Variants in TTC34 observed in about 807,000 individuals in gnomAD.
TTC34 encodes tetratricopeptide repeat protein 34.
A neutral mutation model predicts 40.7 loss-of-function variants in TTC34; 44 were observed. The ratio of observed to expected loss-of-function variants is 1.08; its 90% CI spans 0.85 to 1.39. The LOEUF is 1.39. Among genes scored for constraint, TTC34 ranks in the 40% most tolerant of loss-of-function variants. The pLI is 0.00. For synonymous variants in TTC34, 422 were observed against 398.6 expected (o/e 1.06, Z -0.70); for missense variants, 884 against 838.0 (o/e 1.05, Z -0.68).
chr1:2,645,358 A>G lies in TTC34; in HGVS notation c.2432T>C (p.Leu811Pro), dbSNP rs1638998806. The G allele has an allele frequency of 6.5e-7, 1 of 1,529,638 alleles. No individual in the cohort carries two copies. Among genetic ancestry groups the G allele is most frequent in the Non-Finnish European group, 8.7e-7 (1 of 1,143,228 alleles). The allele number at this position is 1,529,638 out of a possible 1,614,324, so 94.8% of individuals were successfully genotyped here. Reference sequence around the variant, plus strand: ...CGGTTGCCCTGAGTCGATTTTGATCAGCGCCTCCCCCACAGCAAGGAGGCC... The same window carrying G: ...CGGTTGCCCTGAGTCGATTTTGATCGGCGCCTCCCCCACAGCAAGGAGGCC... Residue 811 changes from leucine to proline, a missense_variant, in exon 7 of 9, where the codon CTG becomes CCG. Leu to Pro is a moderately conservative substitution (Grantham distance 98). Transcript: ENST00000401095. This position sits in a 1 kb window ranked among gnomAD's most constrained non-coding sequence, Gnocchi z 4.7.
At chr1:2,698,477 G>A (rs544907841) in intron 6 of TTC34, among the ~76,000 whole-genome samples, 1,272 of 37,552 alleles carry the variant, frequency 0.034, 13 homozygotes, top group Non-Finnish European at 0.061. Flanking sequence ...GCCTGGATCA[G>A]CACCCACACT....
At chr1:2,789,686 A>G (rs1452426691) in exon 3 of TTC34, 10 of 1,243,294 alleles carry the variant, frequency 8.0e-6, no homozygotes, top group Non-Finnish European at 1.0e-6. Flanking sequence ...CTCGGGCCGC[A>G]GCCTGCAGGC....
intron 6 of TTC34, among the ~76,000 whole-genome samples, chr1:2,647,032 G>C (rs548941616): frequency 1.3e-5 from 2 of 152,220 alleles, no homozygotes; most frequent in African/African-American, 4.8e-5. Flanking sequence ...GCTGTCATTC[G>C]TGTTGTTGTA....
At position 2,645,659 on chromosome 1, in the gene TTC34, C is replaced by T; in HGVS notation, c.2227-96G>A. 7.8e-7 allele frequency: 1 copy of T among 1,282,574 alleles called. No individual in the cohort carries two copies. The highest frequency in any genetic ancestry group is 1.0e-6 in the Non-Finnish European group (1 of 979,284). 79.4% of individuals were successfully genotyped at this position (1,282,574 alleles called of 1,614,324 possible). A position where few individuals can be genotyped will look rare whatever the true frequency, so the allele number is the denominator to read the frequency against. Reference sequence around the variant, plus strand: ...GAGGACTGGCTCTGTCTTTCTCATTCCCTGATCTTCTCCCTGGGGTCCTAG... The same window carrying T: ...GAGGACTGGCTCTGTCTTTCTCATTTCCTGATCTTCTCCCTGGGGTCCTAG... On this transcript the variant is annotated intron_variant, in intron 6 of 8. Coordinates refer to ENST00000401095, the Ensembl canonical transcript of TTC34. The surrounding 1 kb of genome is among the most constrained non-coding windows in gnomAD (Gnocchi z 4.7).
intron 6 of TTC34, among the ~76,000 whole-genome samples, chr1:2,695,751 C>CT (rs1640833135): frequency 1.3e-5 from 2 of 150,182 alleles, no homozygotes; most frequent in Admixed American, 6.6e-5. Flanking sequence ...GAACAGCACC[C>CT]ACACCCCCAG....
At chr1:2,685,793 C>T (rs1478688004) in intron 6 of TTC34, among the ~76,000 whole-genome samples, 2 of 151,358 alleles carry the variant, frequency 1.3e-5, no homozygotes, top group African/African-American at 4.9e-5. Context: ...GGAACAGAAC[C>T]CACACCCCCA....
intron 6 of TTC34, among the ~76,000 whole-genome samples, chr1:2,773,090 A>G (rs1406537098): frequency 5.5e-5 from 7 of 128,134 alleles, no homozygotes; most frequent in African/African-American, 8.7e-5. Context: ...CTGGAGCAGC[A>G]CCCACACCCC....
intron 6 of TTC34, among the ~76,000 whole-genome samples, chr1:2,683,679 G>A (rs1329086713): frequency 6.7e-6 from 1 of 149,632 alleles, no homozygotes; most frequent in Non-Finnish European, 1.5e-5. Context: ...TGCACCCCCA[G>A]GTGACGATCT....
chr1:2,750,824 A>G (rs1184680368), intron 6 of TTC34, among the ~76,000 whole-genome samples: 184 of 131,326 alleles, frequency 1.4e-3, no homozygotes, highest in Admixed American at 2.6e-3. Context: ...CGAGCATCTG[A>G]CAGCCTGGAG....
intron 6 of TTC34, among the ~76,000 whole-genome samples, chr1:2,759,224 A>T (rs1641608639): frequency 8.5e-6 from 1 of 118,046 alleles, no homozygotes; most frequent in Non-Finnish European, 1.7e-5. Context: ...ACAGCCTGAA[A>T]CAGCACCCTG....
chr1:2,792,149 C>T (rs1225271618), intron 2 of TTC34, among the ~76,000 whole-genome samples: 1 of 151,200 alleles, frequency 6.6e-6, no homozygotes, highest in Non-Finnish European at 1.5e-5. Context: ...CAGGCATGCA[C>T]CACCATACCC....
intron 6 of TTC34, chr1:2,775,287 C>G (rs1238650582): frequency 4.6e-5 from 7 of 151,384 alleles, no homozygotes; most frequent in Non-Finnish European, 8.8e-5. Flanking sequence ...GAGCATCCGA[C>G]AGCCTGGAAC....
intron 6 of TTC34, among the ~76,000 whole-genome samples, chr1:2,685,913 C>T (rs1193413287): frequency 5.3e-5 from 8 of 151,750 alleles, no homozygotes; most frequent in African/African-American, 9.7e-5. Context: ...TGGAACAGCA[C>T]GCACACCCCC....
exon 3 of TTC34, chr1:2,789,932 G>A (rs1569969864): frequency 2.5e-6 from 1 of 394,272 alleles, no homozygotes; most frequent in Non-Finnish European, 4.5e-6. Flanking sequence ...AGGGCGTGCG[G>A]GCCGCAGCAG....
exon 9 of TTC34, chr1:2,641,454 G>A: frequency 6.5e-7 from 1 of 1,535,534 alleles, no homozygotes; most frequent in Non-Finnish European, 8.7e-7. Flanking sequence ...TCCACCAGGA[G>A]GCCGCTCTCT....
intron 6 of TTC34, among the ~76,000 whole-genome samples, chr1:2,655,469 T>C (rs1436308244): frequency 1.4e-4 from 12 of 84,602 alleles, no homozygotes; most frequent in East Asian, 9.8e-4. Flanking sequence ...GGTGAGCATC[T>C]GATATCCTGG....
At chr1:2,698,610 C>G (rs1640978187) in intron 6 of TTC34, among the ~76,000 whole-genome samples, 1 of 70,286 alleles carries the variant, frequency 1.4e-5, no homozygotes, top group African/African-American at 6.2e-5. Context: ...ACCCACACTC[C>G]CAGACGAGCA....
intron 2 of TTC34, among the ~76,000 whole-genome samples, chr1:2,794,146 C>T (rs1429505179): frequency 6.6e-6 from 1 of 151,976 alleles, no homozygotes; most frequent in Non-Finnish European, 1.5e-5. Context: ...CAGGTATGCA[C>T]CACGTGCCTG....
chr1:2,777,893 C>T (rs754781770), intron 6 of TTC34, among the ~76,000 whole-genome samples: 8 of 152,214 alleles, frequency 5.3e-5, no homozygotes, highest in Non-Finnish European at 1.2e-4. Flanking sequence ...GAGGTTCCGG[C>T]ACCTGTAGGC....
Sources: allele counts gnomAD v4.1 joint callset (sites outside exome capture counted in the v4.1 genomes callset), GRCh38; gene constraint gnomAD v4.1.1; non-coding constraint Gnocchi (gnomAD v3.1); transcripts MANE v1.5; gene names NCBI Gene and HGNC (gene_info 2026-07-23, HGNC 2026-07-21).